Variants in SLC35B1 observed in about 807,000 individuals in gnomAD.
SLC35B1 encodes solute carrier family 35 member B1.
SLC35B1 carries 27 observed loss-of-function variants against 36.6 expected under a neutral mutation model. The observed-to-expected ratio is 0.74, with a 90% CI of 0.54 to 1.02. The LOEUF is 1.02. Among genes scored for constraint, SLC35B1 ranks in the 50% least tolerant of loss-of-function variants. SLC35B1 has a pLI of 0.00. For synonymous variants in SLC35B1, 162 were observed against 152.5 expected, an observed-to-expected ratio of 1.06 and a Z score of -0.46; for missense variants, 321 against 383.2, an observed-to-expected ratio of 0.84 and a Z score of 1.35.
chr17:49,705,318 C>T (rs371955273), intron 4 of SLC35B1, 37 bp from the exon 5 acceptor site: 1 of 1,603,154 alleles, frequency 6.2e-7, no homozygotes, highest in African/African-American at 1.3e-5. Flanking sequence ...TTCAGGCATC[C>T]ATAAGGTATT....
At chr17:49,707,398 G>A in intron 1 of SLC35B1, 2 of 1,435,704 alleles carry the variant, frequency 1.4e-6, no homozygotes, top group Non-Finnish European at 1.8e-6. Context: ...GGACGAATAG[G>A]TTGTTTGCAA....
At chr17:49,707,319 G>A in intron 1 of SLC35B1, 3 of 1,445,484 alleles carry the variant, frequency 2.1e-6, no homozygotes, top group South Asian at 1.2e-5. Context: ...GAAACATGCA[G>A]AACGAGATAG....
chr17:49,707,431 G>T, intron 1 of SLC35B1: 1 of 1,453,560 alleles, frequency 6.9e-7, no homozygotes, highest in Non-Finnish European at 9.1e-7. Flanking sequence ...ACCAAAAGGG[G>T]GCCGACTCGG....
intron 3 of SLC35B1, 25 bp downstream of exon 3, chr17:49,706,179 C>T: frequency 1.3e-6 from 2 of 1,581,386 alleles, no homozygotes; most frequent in East Asian, 2.2e-5. Context: ...TCTGAGCCAA[C>T]CATCATCCCA....
rs767005311 is a variant in SLC35B1, at chr17:49,704,084, C to T, written c.655+16G>A. 3.7e-6 allele frequency: 6 copies of T among 1,613,946 alleles called. No homozygotes were observed. In the South Asian group the frequency reaches 6.6e-5, roughly 18 times the overall value. On this transcript the variant is annotated intron_variant, in intron 6 of 8. Coordinates refer to ENST00000240333, the MANE Select transcript of SLC35B1 (RefSeq NM_005827.4). ...CTCTGGTGATACATGGGAAGAACAG[C>T]AGAACTGGCTCTCACCCATTCCCAG...
rs1343515331 is a variant in SLC35B1, at chr17:49,706,216, G to A, written c.327C>T (p.Asn109=). 5.6e-6 allele frequency: 9 copies of A among 1,602,370 alleles called. No individual in the cohort carries two copies. Among genetic ancestry groups the A allele is most frequent in the Non-Finnish European group, 7.6e-6 (9 of 1,177,076 alleles). ...VSSNSALQFV[N]YPTQVLGKSC... Reference sequence around the variant, plus strand: ...CCTGAGGTTTCACCTGAGTTGGGTAGTTGACAAACTGTAGTGCTGAATTGC... The same window carrying A: ...CCTGAGGTTTCACCTGAGTTGGGTAATTGACAAACTGTAGTGCTGAATTGC... Residue 109 remains asparagine (N), a synonymous_variant, in exon 3 of 9, where the codon AAC becomes AAT. Transcript: ENST00000240333.
intron 3 of SLC35B1, 77 bp downstream of exon 3, chr17:49,706,124 ACTC>A: frequency 6.0e-5 from 68 of 1,131,124 alleles, no homozygotes; most frequent in Middle Eastern, 2.7e-4. Flanking sequence ...TTTTTTTTTA[ACTC>A]ACAGACCTGA....
Position 49,707,776 on chromosome 17 carries a change from C to T in SLC35B1, c.58G>A (p.Gly20Ser). The part of the protein sequence containing the change: ...DRLRLPLCFL[G>S]VFVCYFYYGI... ...TAGTAAAAATAGCAGACAAAGACAC[C>T]CAGGAAGCAGAGCGGCAGGCGCAGC... Residue 20 changes from glycine (G) to serine (S), a missense_variant, in exon 1 of 9, where the codon GGT becomes AGT. Physicochemically the swap from Gly to Ser is moderately conservative, Grantham distance 56. Coordinates refer to ENST00000240333, the MANE Select transcript of SLC35B1 (RefSeq NM_005827.4). The T allele has an allele frequency of 6.2e-7, 1 of 1,612,106 alleles. No individual in the cohort carries two copies.
At chr17:49,704,991 C>T in intron 5 of SLC35B1, 133 bp downstream of exon 5, 2 of 809,912 alleles carry the variant, frequency 2.5e-6, no homozygotes. Context: ...GGGCCTGCAG[C>T]AAAGAGCAGA....
intron 3 of SLC35B1, 115 bp from the exon 4 acceptor site, chr17:49,706,011 T>C: frequency 7.6e-7 from 1 of 1,318,014 alleles, no homozygotes. Context: ...GACCTCAGCC[T>C]CAGAAAGCAG....
rs142518431 is a variant in SLC35B1, at chr17:49,707,012, G to C, written c.161C>G (p.Thr54Ser). Residue 54 changes from threonine to serine, a missense_variant, in exon 2 of 9, where the codon ACT (threonine) becomes AGT (serine). Physicochemically the swap from Thr to Ser is moderately conservative, Grantham distance 58. Coordinates refer to ENST00000240333, the MANE Select transcript of SLC35B1 (RefSeq NM_005827.4). Reference protein sequence around the residue: ...AKQETFTFALTLVFIQCVINA... With the variant: ...AKQETFTFALSLVFIQCVINA... ...GATCACACATTGAATGAAGACCAAA[G>C]TTAAGGCAAAGGTGAACGTCTCCTG... is the stretch of plus-strand genomic sequence containing the variant. 9.6e-3 allele frequency: 15,487 copies of C among 1,613,890 alleles called. 121 individuals are homozygous for C. The highest frequency in any genetic ancestry group is 0.018 in the South Asian group (1,597 of 91,084).
chr17:49,702,291 G>C (rs767155973), intron 8 of SLC35B1: 1 of 154,174 alleles, frequency 6.5e-6, no homozygotes, highest in South Asian at 1.9e-4. Flanking sequence ...GCTAATTTTT[G>C]TATTTTTTTG....
intron 8 of SLC35B1, chr17:49,701,789 G>A (rs971622632): frequency 2.8e-6 from 1 of 362,346 alleles, no homozygotes; most frequent in East Asian, 5.5e-5. Flanking sequence ...AAATTTAAGA[G>A]TCAAAACTTC....
upstream of SLC35B1, chr17:49,707,991 C>A: frequency 6.8e-7 from 1 of 1,473,272 alleles, no homozygotes; most frequent in Non-Finnish European, 9.2e-7. Flanking sequence ...CAGTCACTAC[C>A]AGAACTGCCG....
At chr17:49,706,602 C>A (rs2073422974) in intron 2 of SLC35B1, among the ~76,000 whole-genome samples, 1 of 152,182 alleles carries the variant, frequency 6.6e-6, no homozygotes, top group Non-Finnish European at 1.5e-5. Context: ...AGGGACCAGT[C>A]AGCTCTGCTG....
Position 49,707,917 on chromosome 17 carries a change from C to G in SLC35B1, c.-84G>C. On this transcript the variant is annotated 5_prime_UTR_variant, in exon 1 of 9. An upstream start codon of the reference 5' UTR is lost. Transcript: ENST00000240333. ...GGCGGAGGCGACAGCTCCAGCCGGA[C>G]ATCGCCGACCGGCGGCAGGGGCCTC... 1 of 1,577,896 alleles carries G rather than the reference C, an allele frequency of 6.3e-7. No homozygotes were observed. The highest frequency in any genetic ancestry group is 1.3e-5 in the African/African-American group (1 of 74,558).
intron 8 of SLC35B1, chr17:49,702,597 T>C (rs2073364782): frequency 2.9e-6 from 1 of 349,742 alleles, no homozygotes; most frequent in East Asian, 5.3e-5. Flanking sequence ...CCGGGCATGG[T>C]GGTGCATGCC....
At chr17:49,703,993 C>T (rs777488981) in intron 6 of SLC35B1, 107 bp downstream of exon 6, 2 of 1,461,968 alleles carry the variant, frequency 1.4e-6, no homozygotes, top group Non-Finnish European at 1.9e-6. Flanking sequence ...CATCTTGGAA[C>T]TAATTCAGGC....
intron 7 of SLC35B1, 85 bp downstream of exon 7, chr17:49,703,102 AC>A: frequency 6.3e-7 from 1 of 1,591,254 alleles, no homozygotes. Flanking sequence ...TAATCTTGCC[AC>A]CCTCTTCTTC....
Sources: allele counts gnomAD v4.1 joint callset (sites outside exome capture counted in the v4.1 genomes callset), GRCh38; gene constraint gnomAD v4.1.1; transcripts MANE v1.5; gene names NCBI Gene and HGNC (gene_info 2026-07-23, HGNC 2026-07-21).